MDFIC2: variants seen among roughly 807,000 people sequenced by gnomAD.
MDFIC2 encodes myoD family inhibitor domain-containing protein 2.
intron 2 of MDFIC2, among the ~76,000 whole-genome samples, chr3:70,272,736 CATT>C (rs1334989841): frequency 6.6e-6 from 1 of 152,176 alleles, no homozygotes; most frequent in Non-Finnish European, 1.5e-5. Context: ...AATGTACAAA[CATT>C]ATTATCCTTC....
chr3:70,206,126 A>G (rs1055150243), intron 3 of MDFIC2, among the ~76,000 whole-genome samples: 5 of 152,032 alleles, frequency 3.3e-5, no homozygotes, highest in Non-Finnish European at 7.4e-5. Context: ...GAGATTGCTT[A>G]ATCTCATAGA....
At chr3:70,272,270 G>T (rs897404105) in intron 2 of MDFIC2, 1 of 151,108 alleles carries the variant, frequency 6.6e-6, no homozygotes, top group African/African-American at 2.4e-5. Flanking sequence ...GCTCCTTTAC[G>T]CTCCTTTGCA....
intron 2 of MDFIC2, among the ~76,000 whole-genome samples, chr3:70,208,691 A>G (rs1212025290): frequency 6.6e-6 from 1 of 152,042 alleles, no homozygotes; most frequent in Non-Finnish European, 1.5e-5. Flanking sequence ...TGACTTGTGC[A>G]TCAGTGATTT....
chr3:70,235,255 C>T (rs1279532844), intron 2 of MDFIC2, among the ~76,000 whole-genome samples: 1 of 152,208 alleles, frequency 6.6e-6, no homozygotes, highest in East Asian at 1.9e-4. Flanking sequence ...TCTTACTCTA[C>T]TGACTGCTTC....
intron 2 of MDFIC2, among the ~76,000 whole-genome samples, chr3:70,242,179 A>T (rs1240754236): frequency 2.6e-5 from 4 of 152,128 alleles, no homozygotes; most frequent in Admixed American, 1.3e-4. Context: ...GAGGCTGGGG[A>T]TTGGGCTTCT....
chr3:70,305,220 CT>C (rs979978580), intron 2 of MDFIC2, among the ~76,000 whole-genome samples: 2 of 151,520 alleles, frequency 1.3e-5, no homozygotes, highest in Non-Finnish European at 2.9e-5. Context: ...ATTTTCACAT[CT>C]TTTTTTTTCC....
At chr3:70,258,479 G>A (rs1701837823) in intron 2 of MDFIC2, among the ~76,000 whole-genome samples, 1 of 152,088 alleles carries the variant, frequency 6.6e-6, no homozygotes, top group South Asian at 2.1e-4. Flanking sequence ...GGGTTCAACC[G>A]AAACTGAAGA....
chr3:70,268,438 G>C (rs1404395773), intron 2 of MDFIC2, among the ~76,000 whole-genome samples: 3 of 133,178 alleles, frequency 2.3e-5, no homozygotes, highest in Non-Finnish European at 4.5e-5. Context: ...TCGCATCACT[G>C]CACTCCAGCC....
chr3:70,197,132 G>A lies in MDFIC2; in HGVS notation c.364C>T (p.Leu122Phe). The A allele has an allele frequency of 2.5e-6, 1 of 398,522 alleles. No individual in the cohort carries two copies. Among genetic ancestry groups the A allele is most frequent in the Non-Finnish European group, 4.4e-6 (1 of 226,062 alleles). 24.7% of individuals were successfully genotyped at this position (398,522 alleles called of 1,614,324 possible). ...TCGCAGGTGCCGGGGAGCATCAGGAGACAGTCCCAAAACTGGCAAAACAGA... is the reference window on the plus strand; with the variant it reads ...TCGCAGGTGCCGGGGAGCATCAGGAAACAGTCCCAAAACTGGCAAAACAGA... ...ACLFCQFWDC[L>F]LMLPGTCETV... Residue 122 changes from leucine to phenylalanine, a missense_variant, in exon 4 of 4, where the codon CTC becomes TTC. Transcript: ENST00000567252.
intron 3 of MDFIC2, chr3:70,204,618 C>T (rs1701273196): frequency 6.6e-6 from 1 of 151,558 alleles, no homozygotes; most frequent in Admixed American, 6.6e-5. Flanking sequence ...CATGGATCTC[C>T]TTTGCTCTTT....
rs545328114 is a variant in MDFIC2 at position 70,290,343 on chromosome 3, T to C, written c.88+21543A>G. On this transcript the variant is annotated intron_variant, in intron 2 of 3. Coordinates refer to ENST00000567252, the MANE Select transcript of MDFIC2 (RefSeq NM_001364677.1). ...AGTGTAAGGTGTCAGTGTGCCCCTG[T>C]TGGGGGGTGCCTCCCAGTTAGGCTG... Among the ~76,000 whole-genome samples, 43 of 152,298 alleles carry C rather than the reference T, an allele frequency of 2.8e-4. No individual in the cohort carries two copies. In the South Asian group the frequency reaches 3.3e-3, roughly 12 times the overall value.
chr3:70,217,012 G>A (rs1220561770), intron 2 of MDFIC2, among the ~76,000 whole-genome samples: 1 of 152,060 alleles, frequency 6.6e-6, no homozygotes, highest in Non-Finnish European at 1.5e-5. Flanking sequence ...CTGATCACCA[G>A]CCATTGCTAT....
At chr3:70,216,855 G>A (rs994747365) in intron 2 of MDFIC2, among the ~76,000 whole-genome samples, 3 of 152,180 alleles carry the variant, frequency 2.0e-5, no homozygotes, top group Admixed American at 6.5e-5. Flanking sequence ...GGCTAGATGC[G>A]CTAGCATTTT....
chr3:70,242,243 C>T (rs902790351), intron 2 of MDFIC2, among the ~76,000 whole-genome samples: 2 of 152,148 alleles, frequency 1.3e-5, no homozygotes, highest in African/African-American at 4.8e-5. Flanking sequence ...CATATGCCTC[C>T]AATTAATCTC....
chr3:70,264,738 C>T (rs1701899683), intron 2 of MDFIC2, among the ~76,000 whole-genome samples: 2 of 152,182 alleles, frequency 1.3e-5, no homozygotes, highest in Non-Finnish European at 2.9e-5. Flanking sequence ...AAATATTAAA[C>T]AGGGAATAAT....
At chr3:70,242,672 T>C (rs1242020307) in intron 2 of MDFIC2, among the ~76,000 whole-genome samples, 4 of 152,172 alleles carry the variant, frequency 2.6e-5, no homozygotes, top group Non-Finnish European at 5.9e-5. Context: ...GCATGAAAAA[T>C]GTGTATATCT....
At chr3:70,259,316 C>T (rs755086290) in intron 2 of MDFIC2, among the ~76,000 whole-genome samples, 6 of 151,956 alleles carry the variant, frequency 3.9e-5, no homozygotes, top group Non-Finnish European at 8.8e-5. Context: ...AAGTAAGCAC[C>T]ATCTTTTGAC....
intron 2 of MDFIC2, among the ~76,000 whole-genome samples, chr3:70,265,006 A>T (rs1701902915): frequency 6.6e-6 from 1 of 152,182 alleles, no homozygotes; most frequent in South Asian, 2.1e-4. Flanking sequence ...GAGCATGTGC[A>T]GGGGAACTCC....
intron 2 of MDFIC2, among the ~76,000 whole-genome samples, chr3:70,294,135 T>C (rs1411535459): frequency 6.6e-6 from 1 of 152,186 alleles, no homozygotes; most frequent in African/African-American, 2.4e-5. Flanking sequence ...GAAATGTCAG[T>C]TGTTCAAAAT....
Sources: allele counts gnomAD v4.1 joint callset (sites outside exome capture counted in the v4.1 genomes callset), GRCh38; gene constraint gnomAD v4.1.1; transcripts MANE v1.5; gene names NCBI Gene and HGNC (gene_info 2026-07-23, HGNC 2026-07-21).